The following SATL1 variants were observed in gnomAD, a reference collection of about 807,000 sequenced individuals.
The protein encoded by SATL1 is spermidine/spermine N(1)-acetyltransferase-like protein 1.
In SATL1, 47 loss-of-function variants were observed where a neutral mutation model predicts 51.8. That is an observed-to-expected ratio of 0.91 (90% CI 0.72 to 1.16). The LOEUF (loss-of-function observed/expected upper bound fraction) is 1.16. SATL1 is among the 50% of genes most tolerant of loss of function. The pLI is 0.00. For synonymous variants in SATL1, 176 were observed against 182.4 expected (o/e 0.97, Z 0.28); for missense variants, 520 against 526.4 (o/e 0.99, Z 0.12).
At chrX:85,169,944 A>T (rs897428216) in intron 2 of SATL1, among the ~76,000 whole-genome samples, 1 of 111,909 alleles carries the variant, frequency 8.9e-6, no homozygotes, top group African/African-American at 3.2e-5. Context: ...TGCAGCTATA[A>T]AAAAGAACAA....
rs543713982 is a variant in SATL1 at position 85,139,361 on chromosome X, A to T, written c.-312-30081T>A. Among the ~76,000 whole-genome samples the T allele has an allele frequency of 1.6e-3, 179 of 111,741 alleles. 1 individual carries two copies. Among genetic ancestry groups the T allele is most frequent in the African/African-American group, 5.2e-3 (160 of 30,789 alleles). On this transcript the variant is annotated intron_variant, in intron 2 of 7. Transcript: ENST00000644105. ...CAACCTCATTGGGTTATTGTGATAA[A>T]AATATGAGTTGATATATAGAACTCA...
chrX:85,104,271 C>T (rs1231573420), intron 3 of SATL1, among the ~76,000 whole-genome samples: 2 of 111,617 alleles, frequency 1.8e-5, no homozygotes, highest in African/African-American at 3.3e-5. Context: ...AGCTCATAGG[C>T]TTTACAGAGA....
intron 2 of SATL1, chrX:85,211,767 T>C (rs1186303605): frequency 9.0e-6 from 1 of 111,432 alleles, no homozygotes; most frequent in East Asian, 2.8e-4. Context: ...GATAGATAGA[T>C]AGGCAAACAA....
At chrX:85,170,942 C>T (rs745399006) in intron 2 of SATL1, among the ~76,000 whole-genome samples, 1 of 111,296 alleles carries the variant, frequency 9.0e-6, no homozygotes, top group East Asian at 2.8e-4. Context: ...CATGAATGAA[C>T]AAATACTCTC....
intron 1 of SATL1, among the ~76,000 whole-genome samples, chrX:85,232,181 G>A (rs1928393934): frequency 9.1e-6 from 1 of 109,391 alleles, no homozygotes; most frequent in African/African-American, 3.3e-5. Flanking sequence ...CACAACCTGG[G>A]CCAGAACAGA....
At chrX:85,207,799 C>T (rs955941580) in intron 2 of SATL1, 7 of 116,682 alleles carry the variant, frequency 6.0e-5, no homozygotes, top group African/African-American at 2.3e-4. Context: ...GTGGAAGTCA[C>T]ATTGACTATG....
intron 2 of SATL1, chrX:85,209,842 T>C (rs991624406): frequency 1.8e-5 from 2 of 110,274 alleles, no homozygotes; most frequent in Non-Finnish European, 3.8e-5. Context: ...CCTTCAGTTC[T>C]GCTTGATCTT....
At chrX:85,131,460 G>C (rs1235330352) in intron 2 of SATL1, among the ~76,000 whole-genome samples, 2 of 110,466 alleles carry the variant, frequency 1.8e-5, no homozygotes, top group Non-Finnish European at 3.8e-5. Flanking sequence ...TCAGAGACTA[G>C]GATTGCAACC....
intron 2 of SATL1, among the ~76,000 whole-genome samples, chrX:85,151,982 A>G (rs1299376225): frequency 3.6e-5 from 4 of 110,072 alleles, no homozygotes; most frequent in Non-Finnish European, 3.8e-5. Context: ...TAATTAAACT[A>G]AAGAGCTTCT....
At chrX:85,097,376 C>T (rs1569463757) in intron 4 of SATL1, among the ~76,000 whole-genome samples, 1 of 112,284 alleles carries the variant, frequency 8.9e-6, no homozygotes, top group African/African-American at 3.2e-5. Context: ...GAGTCTTGCT[C>T]ACCCAGGTTG....
Position 85,096,872 on chromosome X carries a change from AAAG to A in SATL1, c.1694-1879_1694-1877del, listed in dbSNP as rs1334805709. On this transcript the variant is annotated intron_variant, in intron 4 of 7. Coordinates refer to ENST00000644105, the MANE Select transcript of SATL1 (RefSeq NM_001367857.2). ...CCACCCCAGCCCCCTCAAAAAAAAA[AAAG>A]AAAGAAACTGAAGGAATTCATTACC... is the stretch of plus-strand genomic sequence containing the variant. Among the ~76,000 whole-genome samples the A allele has an allele frequency of 9.8e-5, 7 of 71,491 alleles. No homozygotes were observed. In the South Asian group the frequency reaches 4.6e-3, roughly 47 times the overall value. The allele number at this position is 71,491 out of a possible 115,157, so 62.1% of individuals were successfully genotyped here.
chrX:85,107,814 G>A lies in SATL1; in HGVS notation c.1155C>T (p.Asp385=), dbSNP rs1943979329. ...GTTGGCTCCCACCTGACTGTCTCAT[G>A]TCTAGTTGCCACATCACTGGTTGGC... The part of the protein sequence containing the change: ...GISQPVMWQL[D]MRQSGGSQPS... Residue 385 remains aspartate (D), a synonymous_variant, in exon 3 of 8, where the codon GAC becomes GAT. Transcript: ENST00000644105. 2 of 1,209,897 alleles carry A rather than the reference G, an allele frequency of 1.7e-6. No individual in the cohort carries two copies. Among genetic ancestry groups the A allele is most frequent in the African/African-American group, 1.8e-5 (1 of 57,134 alleles).
At chrX:85,161,878 T>C (rs1267325910) in intron 2 of SATL1, among the ~76,000 whole-genome samples, 1 of 111,527 alleles carries the variant, frequency 9.0e-6, no homozygotes, top group Non-Finnish European at 1.9e-5. Context: ...AATTGCCGCA[T>C]GTCACATTCT....
At chrX:85,128,991 G>T (rs762993486) in intron 2 of SATL1, among the ~76,000 whole-genome samples, 15 of 111,547 alleles carry the variant, frequency 1.3e-4, no homozygotes, top group Non-Finnish European at 2.8e-4. Flanking sequence ...GCTCTGTTCT[G>T]TTCCATTGGT....
chrX:85,157,642 T>C (rs1205079740), intron 2 of SATL1, among the ~76,000 whole-genome samples: 1 of 111,215 alleles, frequency 9.0e-6, no homozygotes, highest in Non-Finnish European at 1.9e-5. Context: ...TCTTTTTAAC[T>C]TAATGCTATA....
chrX:85,136,398 A>G (rs1481891561), intron 2 of SATL1, among the ~76,000 whole-genome samples: 3 of 111,892 alleles, frequency 2.7e-5, no homozygotes, highest in Non-Finnish European at 5.6e-5. Context: ...ATATAATCCT[A>G]AGAAGTCCCA....
intron 3 of SATL1, among the ~76,000 whole-genome samples, chrX:85,104,495 G>A (rs1924984495): frequency 9.0e-6 from 1 of 111,137 alleles, no homozygotes; most frequent in Non-Finnish European, 1.9e-5. Flanking sequence ...GGTGTAAGAA[G>A]TTAGGTACAA....
intron 2 of SATL1, chrX:85,209,374 CATATGAACTTT>C (rs1927860231): frequency 9.0e-6 from 1 of 111,424 alleles, no homozygotes; most frequent in African/African-American, 3.3e-5. Context: ...TTTTTGGTTC[CATATGAACTTT>C]AAAGTAGCTT....
chrX:85,112,403 A>C (rs899408238), intron 2 of SATL1, among the ~76,000 whole-genome samples: 3 of 111,266 alleles, frequency 2.7e-5, no homozygotes, highest in Non-Finnish European at 5.6e-5. Flanking sequence ...CACTTGGAAG[A>C]GCGCCAAGCA....
Sources: allele counts gnomAD v4.1 joint callset (sites outside exome capture counted in the v4.1 genomes callset), GRCh38; gene constraint gnomAD v4.1.1; transcripts MANE v1.5; gene names NCBI Gene and HGNC (gene_info 2026-07-23, HGNC 2026-07-21).